The following VAV2 variants were observed in gnomAD, a reference collection of about 807,000 sequenced individuals.
The protein encoded by VAV2 is guanine nucleotide exchange factor VAV2.
Under a neutral mutation model 132.5 loss-of-function variants are expected in VAV2, and 67 were observed. The ratio of observed to expected loss-of-function variants is 0.51; its 90% confidence interval spans 0.42 to 0.62. The LOEUF (loss-of-function observed/expected upper bound fraction) is 0.62. VAV2 is among the 20% of genes least tolerant of loss of function. The pLI is 0.00. For missense variants in VAV2, 938 were observed against 1,153.6 expected (o/e 0.81, Z 2.71); for synonymous variants, 492 against 443.5 (o/e 1.11, Z -1.37).
chr9:133,912,334 C>T lies in VAV2; in HGVS notation c.321+26769G>A, dbSNP rs1165075836. ...GCCTTCCAGGTCTGGGAACATGAGA[C>T]CCGGGCTGAACACGAGGCTATGTCC... On this transcript the variant is annotated intron_variant, in intron 2 of 29. Transcript: ENST00000371850. The surrounding 1 kb of genome is among the most constrained non-coding windows in gnomAD (Gnocchi z 4.3). Among the ~76,000 whole-genome samples the T allele has an allele frequency of 6.6e-6, 1 of 152,192 alleles. No homozygotes were observed. The highest frequency in any genetic ancestry group is 1.5e-5 in the Non-Finnish European group (1 of 68,040).
intron 2 of VAV2, among the ~76,000 whole-genome samples, chr9:133,905,117 T>G (rs2132024835): frequency 6.6e-6 from 1 of 152,268 alleles, no homozygotes; most frequent in Middle Eastern, 3.4e-3. Context: ...TGGCCCACAC[T>G]TCACAGCACC....
At chr9:133,979,589 C>T (rs1007007666) in intron 1 of VAV2, among the ~76,000 whole-genome samples, 4 of 152,168 alleles carry the variant, frequency 2.6e-5, no homozygotes, top group African/African-American at 9.7e-5. Context: ...AGACACAGAG[C>T]CCGGAGCCAC....
At chr9:133,904,952 C>A (rs1839587403) in intron 2 of VAV2, among the ~76,000 whole-genome samples, 1 of 152,216 alleles carries the variant, frequency 6.6e-6, no homozygotes, top group African/African-American at 2.4e-5. Flanking sequence ...GGGGCCCTGG[C>A]AGGGAGGGGA....
intron 2 of VAV2, among the ~76,000 whole-genome samples, chr9:133,892,955 C>A (rs1839038822): frequency 6.6e-6 from 1 of 152,204 alleles, no homozygotes; most frequent in South Asian, 2.1e-4. Flanking sequence ...TGATGTCTCA[C>A]AAAAAGACTT....
At position 133,981,742 on chromosome 9, in the gene VAV2, G is replaced by A. The variant is rs146624976; in HGVS notation, c.204+10333C>T. The stretch of plus-strand genomic sequence containing the variant: ...CCAAGCGAGTGTGGTCCCCACTGCC[G>A]CCCCTGCGGGCCACTCATCGTGTTT... On this transcript the variant is annotated intron_variant, in intron 1 of 29. Transcript: ENST00000371850. Among the ~76,000 whole-genome samples, 299 of 152,254 alleles carry A rather than the reference G, an allele frequency of 2.0e-3. 2 individuals are homozygous for A. The highest frequency in any genetic ancestry group is 6.6e-3 in the African/African-American group (274 of 41,570).
chr9:133,825,446 T>C (rs2488555), intron 4 of VAV2, among the ~76,000 whole-genome samples: 3,417 of 152,188 alleles, frequency 0.022, 128 homozygotes, highest in African/African-American at 0.078. Context: ...CATTTGCTTG[T>C]TTCTCGTGGG....
intron 4 of VAV2, among the ~76,000 whole-genome samples, chr9:133,830,464 C>T (rs1184620312): frequency 2.0e-5 from 3 of 152,280 alleles, no homozygotes; most frequent in South Asian, 2.1e-4. Flanking sequence ...TGAGTTCTCA[C>T]GAGATCTGAT....
Position 133,833,335 on chromosome 9 carries a change from T to TC in VAV2, c.449+936dup, listed in dbSNP as rs1179973881. Among the ~76,000 whole-genome samples the TC allele has an allele frequency of 6.6e-6, 1 of 151,982 alleles. No individual in the cohort carries two copies. Among genetic ancestry groups the TC allele is most frequent in the Non-Finnish European group, 1.5e-5 (1 of 67,988 alleles). ...CAGCAGGCACTCCCATACACGCAGC[T>TC]CCCCCTCTTACTCCTCTCCCGGTTG... On this transcript the variant is annotated intron_variant, in intron 4 of 29. Coordinates refer to ENST00000371850, the MANE Select transcript of VAV2 (RefSeq NM_001134398.2). This position sits in a 1 kb window ranked among gnomAD's most constrained non-coding sequence, Gnocchi z 5.6.
chr9:133,897,833 G>A (rs1023274760), intron 2 of VAV2, among the ~76,000 whole-genome samples: 67 of 152,228 alleles, frequency 4.4e-4, no homozygotes, highest in African/African-American at 1.5e-3. Flanking sequence ...TTAATGGAGT[G>A]AAGAAAAAAC....
At chr9:133,950,653 G>A (rs752750227) in intron 1 of VAV2, among the ~76,000 whole-genome samples, 4 of 152,168 alleles carry the variant, frequency 2.6e-5, no homozygotes, top group Non-Finnish European at 4.4e-5. Context: ...GAGTGCCGGA[G>A]GGTTCAAATC....
chr9:133,938,456 G>A (rs1415073169), intron 2 of VAV2, among the ~76,000 whole-genome samples: 1 of 152,120 alleles, frequency 6.6e-6, no homozygotes, highest in Non-Finnish European at 1.5e-5. Flanking sequence ...CAGCCTCCCA[G>A]GGCCTTTGCA....
intron 1 of VAV2, among the ~76,000 whole-genome samples, chr9:133,940,672 C>CGTGTGT (rs60265901): frequency 0.093 from 12,870 of 138,902 alleles, 636 homozygotes; most frequent in Middle Eastern, 0.13. Context: ...TGTCCACGTG[C>CGTGTGT]GTGTGTGTGT....
chr9:133,921,501 G>A (rs375037854), intron 2 of VAV2, among the ~76,000 whole-genome samples: 17 of 152,266 alleles, frequency 1.1e-4, no homozygotes, highest in African/African-American at 4.1e-4. Context: ...AAGAAAGAAA[G>A]TTGTGTCTCA....
At chr9:133,866,573 G>A (rs1043005474) in intron 2 of VAV2, among the ~76,000 whole-genome samples, 1 of 152,136 alleles carries the variant, frequency 6.6e-6, no homozygotes, top group African/African-American at 2.4e-5. Context: ...GGAGACCAAG[G>A]TGGGCAGATC....
At chr9:133,989,398 T>C (rs151064241) in intron 1 of VAV2, among the ~76,000 whole-genome samples, 2,334 of 146,972 alleles carry the variant, frequency 0.016, 63 homozygotes, top group African/African-American at 0.056. Context: ...CAGGCGCCTG[T>C]AATCCCAGCT....
intron 3 of VAV2, among the ~76,000 whole-genome samples, chr9:133,836,777 C>T (rs1238420697): frequency 3.3e-5 from 5 of 152,172 alleles, no homozygotes; most frequent in African/African-American, 4.8e-5. Flanking sequence ...CCTGCTAAGC[C>T]GATCAAGAGA....
intron 4 of VAV2, among the ~76,000 whole-genome samples, chr9:133,817,797 C>T (rs1010366027): frequency 9.2e-5 from 14 of 152,082 alleles, no homozygotes; most frequent in Admixed American, 4.6e-4. Context: ...TTCTATTTCC[C>T]TGCTGAGGCT....
chr9:133,797,998 C>T (rs1330895064), intron 9 of VAV2, among the ~76,000 whole-genome samples, 189 bp from the exon 10 acceptor site: 6 of 152,222 alleles, frequency 3.9e-5, no homozygotes, highest in Non-Finnish European at 7.3e-5. Context: ...GCTACCGGGC[C>T]GCAGGAGGGC....
At chr9:133,989,160 G>A (rs1842940886) in intron 1 of VAV2, among the ~76,000 whole-genome samples, 1 of 152,154 alleles carries the variant, frequency 6.6e-6, no homozygotes, top group African/African-American at 2.4e-5. Flanking sequence ...CCAACATAGA[G>A]AAACCCCGTC....
Sources: allele counts gnomAD v4.1 joint callset (sites outside exome capture counted in the v4.1 genomes callset), GRCh38; gene constraint gnomAD v4.1.1; non-coding constraint Gnocchi (gnomAD v3.1); transcripts MANE v1.5; gene names NCBI Gene and HGNC (gene_info 2026-07-23, HGNC 2026-07-21).